The following FBXW10B variants were observed in gnomAD, a reference collection of about 807,000 sequenced individuals.
FBXW10B encodes F-box and WD repeat domain containing 10B.
the FBXW10B span, among the ~76,000 whole-genome samples, chr17:15,576,024 C>T: frequency 6.6e-6 from 1 of 152,142 alleles, no homozygotes; most frequent in Non-Finnish European, 1.5e-5. Context: ...GTCTTAATTT[C>T]GCTTCAGAGA....
chr17:15,592,812 G>A, the FBXW10B span, among the ~76,000 whole-genome samples: 1 of 151,978 alleles, frequency 6.6e-6, no homozygotes, highest in African/African-American at 2.4e-5. Flanking sequence ...GATGAATTAA[G>A]AGTCAAAACA....
At chr17:15,612,855 A>G in the FBXW10B span, 1 of 1,603,966 alleles carries the variant, frequency 6.2e-7, no homozygotes, top group Non-Finnish European at 8.5e-7. Flanking sequence ...AAAAATAAAA[A>G]CAGAAAATGG....
the FBXW10B span, chr17:15,613,649 T>A: frequency 1.9e-6 from 3 of 1,592,272 alleles, no homozygotes; most frequent in African/African-American, 4.4e-5. Flanking sequence ...AATGAAGCCG[T>A]GCGCTGACAA....
the FBXW10B span, chr17:15,605,476 T>C: frequency 2.3e-6 from 3 of 1,310,174 alleles, no homozygotes; most frequent in Non-Finnish European, 3.1e-6. Context: ...GTGTCCCTCC[T>C]GGGACTGACT....
the FBXW10B span, chr17:15,619,438 T>C: frequency 5.0e-6 from 8 of 1,613,964 alleles, no homozygotes; most frequent in Non-Finnish European, 6.8e-6. Context: ...ACTTCCGGCA[T>C]AGAGGGATGG....
chr17:15,595,373 T>G, the FBXW10B span, among the ~76,000 whole-genome samples: 13 of 150,882 alleles, frequency 8.6e-5, no homozygotes, highest in South Asian at 2.1e-4. Context: ...AAAGAAAAAA[T>G]AAAAGAAAAA....
chr17:15,566,064 A>G, the FBXW10B span: 13 of 1,607,358 alleles, frequency 8.1e-6, no homozygotes. Flanking sequence ...TCACATCTAT[A>G]GGAGGATTGC....
chr17:15,575,918 G>T, the FBXW10B span, among the ~76,000 whole-genome samples: 3 of 152,182 alleles, frequency 2.0e-5, no homozygotes, highest in African/African-American at 7.2e-5. Context: ...TAACTTTCTA[G>T]CTATAATCCA....
At chr17:15,589,651 T>C in the FBXW10B span, among the ~76,000 whole-genome samples, 2 of 152,090 alleles carry the variant, frequency 1.3e-5, no homozygotes, top group Non-Finnish European at 2.9e-5. Context: ...GGGGTGAAAA[T>C]AGCTCATTTT....
chr17:15,603,917 CAAAAAA>C, the FBXW10B span, among the ~76,000 whole-genome samples: 3 of 113,832 alleles, frequency 2.6e-5, no homozygotes, highest in Admixed American at 1.9e-4. Flanking sequence ...CTAAAAAATA[CAAAAAA>C]AAAAAAAATA....
At chr17:15,594,867 A>G in the FBXW10B span, 443,289 of 1,607,010 alleles carry the variant, frequency 0.28, 64,292 homozygotes, top group African/African-American at 0.45. Context: ...GGCATTTCAC[A>G]GCTCCCTCGT....
the FBXW10B span, among the ~76,000 whole-genome samples, chr17:15,570,501 GAGGTTAAGGAAAATGTA>G: frequency 3.3e-5 from 5 of 152,198 alleles, no homozygotes; most frequent in African/African-American, 1.2e-4. Flanking sequence ...AAACTGGGAA[GAGGTTAAGGAAAATGTA>G]CAGACCAGAC....
the FBXW10B span, chr17:15,594,675 T>C: frequency 5.8e-5 from 87 of 1,507,090 alleles, no homozygotes; most frequent in Non-Finnish European, 7.3e-5. Context: ...GGTCTGCCAA[T>C]GATTGCAGTC....
the FBXW10B span, among the ~76,000 whole-genome samples, chr17:15,592,303 T>G: frequency 1.1e-4 from 16 of 150,606 alleles, no homozygotes; most frequent in African/African-American, 3.4e-4. Context: ...GAGTTTTTTT[T>G]TTTTTTTTTT....
At chr17:15,576,557 C>G in the FBXW10B span, among the ~76,000 whole-genome samples, 1 of 152,232 alleles carries the variant, frequency 6.6e-6, no homozygotes, top group South Asian at 2.1e-4. Flanking sequence ...CTGGGCCTTT[C>G]TTCTTGTTAT....
At chr17:15,570,964 T>C in the FBXW10B span, among the ~76,000 whole-genome samples, 257 of 152,318 alleles carry the variant, frequency 1.7e-3, 1 homozygote, top group Non-Finnish European at 2.9e-3. Context: ...GAGTAGGAGA[T>C]AACATTTGTA....
the FBXW10B span, among the ~76,000 whole-genome samples, chr17:15,592,300 T>G: frequency 4.7e-5 from 7 of 149,636 alleles, no homozygotes; most frequent in South Asian, 8.5e-4. Flanking sequence ...CCAGAGTTTT[T>G]TTTTTTTTTT....
the FBXW10B span, among the ~76,000 whole-genome samples, chr17:15,609,852 C>CTTTTTTTTT: frequency 1.3e-3 from 139 of 103,198 alleles, no homozygotes; most frequent in African/African-American, 2.2e-3. Context: ...TTCTTTCTTT[C>CTTTTTTTTT]TTTTTTTTTT....
At chr17:15,583,721 G>A in the FBXW10B span, among the ~76,000 whole-genome samples, 20 of 152,006 alleles carry the variant, frequency 1.3e-4, no homozygotes, top group Non-Finnish European at 1.9e-4. Context: ...ACAGTTGGGA[G>A]ACTCTGGGTT....
Sources: allele counts gnomAD v4.1 joint callset (sites outside exome capture counted in the v4.1 genomes callset), GRCh38; gene constraint gnomAD v4.1.1; transcripts MANE v1.5; gene names NCBI Gene and HGNC (gene_info 2026-07-23, HGNC 2026-07-21).